Variants in THSD7A observed in about 807,000 individuals in gnomAD.
THSD7A encodes the protein thrombospondin type-1 domain-containing protein 7A.
THSD7A carries 96 observed loss-of-function variants against 231.3 expected under a neutral mutation model. That is an observed-to-expected ratio of 0.41 (90% CI 0.35 to 0.49). The LOEUF (loss-of-function observed/expected upper bound fraction) is 0.49, where lower values mean the gene tolerates loss of function less well. Ranked by LOEUF, THSD7A falls within the 20% of genes least tolerant of loss-of-function variation. The probability of loss-of-function intolerance (pLI) is 0.05; values close to 1 mark genes in which losing one functional copy is unlikely to be tolerated. For missense variants in THSD7A, 2,290 were observed against 2,070.2 expected, an observed-to-expected ratio of 1.11 and a Z score of -2.06; for synonymous variants, 940 against 743.3, an observed-to-expected ratio of 1.26 and a Z score of -4.30.
intron 1 of THSD7A, among the ~76,000 whole-genome samples, chr7:11,799,633 T>A (rs1784223309): frequency 1.3e-5 from 2 of 152,232 alleles, no homozygotes; most frequent in East Asian, 3.8e-4. Context: ...AGTGTCATCC[T>A]AAAGCAGTCA....
intron 19 of THSD7A, among the ~76,000 whole-genome samples, chr7:11,409,064 CTCTT>C (rs1368788853): frequency 1.3e-5 from 2 of 152,128 alleles, no homozygotes; most frequent in African/African-American, 2.4e-5. Context: ...GATCATATCT[CTCTT>C]TTAATTTGCT....
intron 1 of THSD7A, among the ~76,000 whole-genome samples, chr7:11,779,030 C>A (rs1156917938): frequency 2.6e-5 from 4 of 152,032 alleles, no homozygotes; most frequent in Admixed American, 2.6e-4. Flanking sequence ...CCTAGAAGTT[C>A]TGTGGTGATT....
chr7:11,707,414 G>C lies in THSD7A; in HGVS notation c.191-70453C>G, dbSNP rs191339581. On this transcript the variant is annotated intron_variant, in intron 1 of 27. Coordinates refer to ENST00000423059, the MANE Select transcript of THSD7A (RefSeq NM_015204.3). Reference sequence around the variant, plus strand: ...TCCTGCCTAGTATGCCAAGTGTGTTGGTTGCTTGCTGAACCTGTATATATA... The same window carrying C: ...TCCTGCCTAGTATGCCAAGTGTGTTCGTTGCTTGCTGAACCTGTATATATA... Among the ~76,000 whole-genome samples, 7 of 150,956 alleles carry C rather than the reference G, an allele frequency of 4.6e-5. No individual in the cohort carries two copies. In the East Asian group the frequency reaches 1.4e-3, roughly 30 times the overall value.
intron 1 of THSD7A, among the ~76,000 whole-genome samples, chr7:11,766,937 G>A (rs1248693081): frequency 1.3e-5 from 2 of 152,178 alleles, no homozygotes; most frequent in Non-Finnish European, 1.5e-5. Flanking sequence ...TATTGTCTTA[G>A]GTATGGTAAT....
At chr7:11,653,711 T>G (rs767098359) in intron 1 of THSD7A, among the ~76,000 whole-genome samples, 1 of 151,836 alleles carries the variant, frequency 6.6e-6, no homozygotes, top group Non-Finnish European at 1.5e-5. Context: ...GTACACACAA[T>G]GAGAAAAGTA....
chr7:11,510,584 G>T (rs1787764753), intron 6 of THSD7A, among the ~76,000 whole-genome samples: 1 of 152,134 alleles, frequency 6.6e-6, no homozygotes, highest in Admixed American at 6.5e-5. Context: ...CCACAATCAA[G>T]TTGGCTTCAT....
In THSD7A at chr7:11,377,304, A is replaced by G. The variant is rs376255704; in HGVS notation, c.4802-647T>C. On this transcript the variant is annotated intron_variant, in intron 26 of 27. Transcript: ENST00000423059. This position sits in a 1 kb window ranked among gnomAD's most constrained non-coding sequence, Gnocchi z 4.5. ...TCTATTATATGGAATCAGACATAACAGGAACTTTTGTAATTTGGGTTTCTG... is the reference window on the plus strand; with the variant it reads ...TCTATTATATGGAATCAGACATAACGGGAACTTTTGTAATTTGGGTTTCTG... 7.2e-5 allele frequency among the ~76,000 whole-genome samples: 11 copies of G among 152,002 alleles called. No homozygotes were observed. Among genetic ancestry groups the G allele is most frequent in the East Asian group, 5.8e-4 (3 of 5,198 alleles).
At chr7:11,750,647 C>T (rs1310657972) in intron 1 of THSD7A, among the ~76,000 whole-genome samples, 18 of 151,882 alleles carry the variant, frequency 1.2e-4, no homozygotes, top group Admixed American at 9.2e-4. Context: ...GTTGTCTGCA[C>T]GGGGACTACT....
chr7:11,590,289 A>T lies in THSD7A; in HGVS notation c.1453+171T>A, dbSNP rs889931328. Among the ~76,000 whole-genome samples the T allele has an allele frequency of 6.6e-6, 1 of 152,216 alleles. No homozygotes were observed. Among genetic ancestry groups the T allele is most frequent in the South Asian group, 2.1e-4 (1 of 4,828 alleles). On this transcript the variant is annotated intron_variant, in intron 4 of 27. Coordinates refer to ENST00000423059, the MANE Select transcript of THSD7A (RefSeq NM_015204.3). The surrounding 1 kb of genome is among the most constrained non-coding windows in gnomAD (Gnocchi z 4.4). ...CTGACCAAAGATGGAATTGTGTTAA[A>T]TATTTTCACAACCATAATGTGGATT...
chr7:11,481,386 A>G (rs1234931340), intron 7 of THSD7A, among the ~76,000 whole-genome samples: 3 of 152,186 alleles, frequency 2.0e-5, no homozygotes, highest in Non-Finnish European at 2.9e-5. Flanking sequence ...TTGGATATAT[A>G]TACTTATTTA....
chr7:11,831,794 G>C lies in THSD7A; in HGVS notation c.153C>G (p.Gly51=). 1 of 1,471,876 alleles carries C rather than the reference G, an allele frequency of 6.8e-7. No homozygotes were observed. Among genetic ancestry groups the C allele is most frequent in the East Asian group, 2.7e-5 (1 of 36,580 alleles). 91.2% of individuals were successfully genotyped at this position (1,471,876 alleles called of 1,614,324 possible). A position where few individuals can be genotyped will look rare whatever the true frequency, so the allele number is the denominator to read the frequency against. ...RPGAGRAAAQ[G]EAEAPTLYLW... ...GATAGAGGGTGGGCGCCTCCGCCTC[G>C]CCCTGCGCCGCAGCCCTGCCGGCGC... The change falls in exon 1 of 28, where the codon GGC becomes GGG. Residue 51 remains glycine, a synonymous_variant. Coordinates refer to ENST00000423059, the MANE Select transcript of THSD7A (RefSeq NM_015204.3). The surrounding 1 kb of genome is among the most constrained non-coding windows in gnomAD (Gnocchi z 5.0).
chr7:11,733,190 T>C (rs1781796804), intron 1 of THSD7A, among the ~76,000 whole-genome samples: 1 of 151,822 alleles, frequency 6.6e-6, no homozygotes, highest in South Asian at 2.1e-4. Context: ...GTGTTTCCTA[T>C]TGAAGCAACT....
intron 1 of THSD7A, among the ~76,000 whole-genome samples, chr7:11,715,115 A>C (rs912559328): frequency 4.0e-5 from 6 of 151,474 alleles, no homozygotes; most frequent in Non-Finnish European, 8.9e-5. Context: ...AGAAACAAAC[A>C]AACAGAAAGA....
intron 2 of THSD7A, among the ~76,000 whole-genome samples, chr7:11,594,963 C>A (rs143224368): frequency 0.023 from 3,557 of 152,252 alleles, 143 homozygotes; most frequent in African/African-American, 0.082. Flanking sequence ...GCTGGGGACA[C>A]TGAGTTTGTA....
At chr7:11,750,537 C>A (rs933665272) in intron 1 of THSD7A, among the ~76,000 whole-genome samples, 1 of 151,966 alleles carries the variant, frequency 6.6e-6, no homozygotes, top group African/African-American at 2.4e-5. Context: ...ATTGGAGGGA[C>A]TGCCAAACCC....
At chr7:11,659,408 C>T (rs1782838205) in intron 1 of THSD7A, among the ~76,000 whole-genome samples, 1 of 151,492 alleles carries the variant, frequency 6.6e-6, no homozygotes. Flanking sequence ...GTTAGCATGA[C>T]CTATAAATTC....
chr7:11,721,807 G>A (rs1781363110), intron 1 of THSD7A, among the ~76,000 whole-genome samples: 1 of 151,734 alleles, frequency 6.6e-6, no homozygotes. Context: ...ATGATTTTAG[G>A]TAAGATCTAA....
At chr7:11,674,675 T>TA (rs771725240) in intron 1 of THSD7A, among the ~76,000 whole-genome samples, 138 of 151,906 alleles carry the variant, frequency 9.1e-4, no homozygotes, top group Non-Finnish European at 1.5e-3. Flanking sequence ...GAGACAAGAA[T>TA]AAAAAATCAA....
At chr7:11,385,525 T>C (rs1286762104) in intron 23 of THSD7A, 2 of 152,158 alleles carry the variant, frequency 1.3e-5, no homozygotes, top group African/African-American at 4.8e-5. Context: ...TTTTAATGTG[T>C]ATAAAAAATT....
Sources: gnomAD v4.1 joint callset for allele counts (sites outside exome capture counted in the v4.1 genomes callset) on GRCh38, gnomAD v4.1.1 for gene constraint, Gnocchi (gnomAD v3.1) non-coding constraint, MANE v1.5 for transcripts, NCBI Gene and HGNC (gene_info 2026-07-23, HGNC 2026-07-21) for gene names.